Variants in PTMS observed in about 807,000 individuals in gnomAD.
PTMS encodes the protein parathymosin.
A neutral mutation model predicts 18.4 loss-of-function variants in PTMS; 5 were observed. The ratio of observed to expected loss-of-function variants is 0.27; its 90% confidence interval spans 0.14 to 0.57. The LOEUF is 0.57. Among genes scored for constraint, PTMS ranks in the 20% least tolerant of loss-of-function variants. PTMS has a pLI of 0.92. For synonymous variants in PTMS, 53 were observed against 47.7 expected (o/e 1.11, Z -0.46); for missense variants, 93 against 124.6 (o/e 0.75, Z 1.21).
chr12:6,769,510 C>T (rs1430259281), intron 1 of PTMS, 93 bp from the exon 2 acceptor site: 1 of 1,379,262 alleles, frequency 7.3e-7, no homozygotes, highest in African/African-American at 1.4e-5. Context: ...TCACACACCT[C>T]TAAGCTCACT....
At position 6,770,689 on chromosome 12, in the gene PTMS, C is replaced by A; in HGVS notation, c.*247C>A. On this transcript the variant is annotated 3_prime_UTR_variant, in exon 5 of 5. Coordinates refer to ENST00000309083, the MANE Select transcript of PTMS (RefSeq NM_002824.6). The surrounding 1 kb of genome is among the most constrained non-coding windows in gnomAD (Gnocchi z 7.3). ...GCTCTCCAGCTGGCCCCCAATTGCT[C>A]CTCTCTCTCTTTGCTCTCTTTCTCC... 1.7e-6 allele frequency: 1 copy of A among 585,256 alleles called. No homozygotes were observed. The highest frequency in any genetic ancestry group is 3.1e-6 in the Non-Finnish European group (1 of 326,902). The allele number at this position is 585,256 out of a possible 1,614,324, so 36.3% of individuals were successfully genotyped here.
rs770854499 is a variant in PTMS, at chr12:6,770,194, G to A, written c.234G>A (p.Ala78=). The A allele has an allele frequency of 2.5e-6, 4 of 1,614,160 alleles. No homozygotes were observed. Among genetic ancestry groups the A allele is most frequent in the Non-Finnish European group, 3.4e-6 (4 of 1,180,024 alleles). The change falls in exon 4 of 5, where the codon GCG becomes GCA. Residue 78 remains alanine, a synonymous_variant. Transcript: ENST00000309083. This position sits in a 1 kb window ranked among gnomAD's most constrained non-coding sequence, Gnocchi z 7.3. The part of the protein sequence containing the change: ...EEEEEDDEGP[A]LKRAAEEEDE... ...AAGAAGAGGATGATGAAGGGCCCGC[G>A]CTGAAGAGAGCTGCCGAAGAGGAGG...
chr12:6,770,073 G>T lies in PTMS; in HGVS notation c.196+74G>T, dbSNP rs1941817518. ...AGAGCAGAGTCAGGGTGGGTTTGAA[G>T]ACCTGAAGCAGGGCTGAGGGCGACC... On this transcript the variant is annotated intron_variant, in intron 3 of 4. Coordinates refer to ENST00000309083, the MANE Select transcript of PTMS (RefSeq NM_002824.6). This position sits in a 1 kb window ranked among gnomAD's most constrained non-coding sequence, Gnocchi z 7.3. 2 of 1,601,390 alleles carry T rather than the reference G, an allele frequency of 1.2e-6. No individual in the cohort carries two copies. Among genetic ancestry groups the T allele is most frequent in the Non-Finnish European group, 1.7e-6 (2 of 1,174,334 alleles).
Position 6,769,951 on chromosome 12 carries a change from GA to G in PTMS, c.150del (p.Glu51LysfsTer29). On this transcript the variant is annotated frameshift_variant, in exon 3 of 5. Coordinates refer to ENST00000309083, the MANE Select transcript of PTMS (RefSeq NM_002824.6). LOFTEE classifies it high-confidence loss of function. ...EEENGAEEEEEETAEDGEEED... is the reference protein window; with the variant it reads ...EEENGAEEEEXETAEDGEEED... ...GGAGAACGGGGCTGAGGAGGAAGAA[GA>G]AGAAACTGCCGAGGATGGAGAGGAG... 1 of 1,554,818 alleles carries G rather than the reference GA, an allele frequency of 6.4e-7. No homozygotes were observed. Among genetic ancestry groups the G allele is most frequent in the Non-Finnish European group, 8.7e-7 (1 of 1,148,454 alleles).
In PTMS at chr12:6,766,561, G is replaced by A. The variant is rs527413118; in HGVS notation, c.-145G>A. ...GCCGCCTCTTCCAGAGACCCAGCTT[G>A]CCGAGCGGCCGCCGCTGCCGCTGTC... is the stretch of plus-strand genomic sequence containing the variant. On this transcript the variant is annotated 5_prime_UTR_variant, in exon 1 of 5. Transcript: ENST00000309083. The A allele has an allele frequency of 5.9e-4, 182 of 305,986 alleles. No individual in the cohort carries two copies. The highest frequency in any genetic ancestry group is 1.0e-3 in the Non-Finnish European group (172 of 172,310). The allele number at this position is 305,986 out of a possible 1,614,324, so 19.0% of individuals were successfully genotyped here. A position where few individuals can be genotyped will look rare whatever the true frequency, so the allele number is the denominator to read the frequency against.
chr12:6,769,778 T>C, intron 2 of PTMS, 104 bp downstream of exon 2: 1 of 1,597,598 alleles, frequency 6.3e-7, no homozygotes, highest in Non-Finnish European at 8.6e-7. Context: ...GTCCTGCCGT[T>C]CCCCTGAGCC....
intron 1 of PTMS, chr12:6,767,598 C>CGGGGGGGGG (rs56074647): frequency 5.4e-4 from 6 of 11,018 alleles, no homozygotes; most frequent in Admixed American, 1.6e-3. Context: ...ATGTGTATGG[C>CGGGGGGGGG]GGGGGGGGGG....
rs906987577 is a variant in PTMS at position 6,770,100 on chromosome 12, C to T, written c.197-57C>T. The T allele has an allele frequency of 3.5e-5, 56 of 1,612,102 alleles. No homozygotes were observed. Among genetic ancestry groups the T allele is most frequent in the Middle Eastern group, 1.7e-4 (1 of 6,058 alleles). ...CCTGAAGCAGGGCTGAGGGCGACCA[C>T]GGGGGCTCTGCCAGAGCTTCCTGCC... On this transcript the variant is annotated intron_variant, in intron 3 of 4. Transcript: ENST00000309083. The surrounding 1 kb of genome is among the most constrained non-coding windows in gnomAD (Gnocchi z 7.3).
rs4764622 is a variant in PTMS, at chr12:6,770,036, T to C, written c.196+37T>C. 668,782 of 1,569,524 alleles carry C rather than the reference T, an allele frequency of 0.43. 149,114 individuals carry two copies. The highest frequency in any genetic ancestry group is 0.78 in the African/African-American group (57,538 of 73,524). ...CAGGGGAGGCTGGGCTGGCAAAGTC[T>C]GGGCTCAAAGGAGAGCAGAGTCAGG... On this transcript the variant is annotated intron_variant, in intron 3 of 4. Coordinates refer to ENST00000309083, the MANE Select transcript of PTMS (RefSeq NM_002824.6). This position sits in a 1 kb window ranked among gnomAD's most constrained non-coding sequence, Gnocchi z 7.3.
chr12:6,766,505 GACCCA>G lies in PTMS; in HGVS notation c.-200_-196del. 3.8e-6 allele frequency: 1 copy of G among 266,496 alleles called. No individual in the cohort carries two copies. The highest frequency in any genetic ancestry group is 7.5e-6 in the Non-Finnish European group (1 of 132,856). 16.5% of individuals were successfully genotyped at this position (266,496 alleles called of 1,614,324 possible). A position where few individuals can be genotyped will look rare whatever the true frequency, so the allele number is the denominator to read the frequency against. On this transcript the variant is annotated 5_prime_UTR_variant, in exon 1 of 5. Transcript: ENST00000309083. ...CGCAGCCCTGCGGGTCTCCGCTCCA[GACCCA>G]CCCCCGCCCCACCCCGCGCGCCTCT...
chr12:6,767,450 T>A (rs1165625946), intron 1 of PTMS: 1 of 152,140 alleles, frequency 6.6e-6, no homozygotes, highest in Non-Finnish European at 1.5e-5. Flanking sequence ...CCTCATCAGC[T>A]CCCTTCCCCG....
At chr12:6,769,453 C>T in intron 1 of PTMS, 150 bp from the exon 2 acceptor site, 1 of 849,034 alleles carries the variant, frequency 1.2e-6, no homozygotes, top group Non-Finnish European at 2.0e-6. Flanking sequence ...AATGTAAGGA[C>T]CCTAGGGCCC....
In PTMS at chr12:6,766,475, A is replaced by AGGG; in HGVS notation, c.-231_-230insGGG. 1 of 245,560 alleles carries AGGG rather than the reference A, an allele frequency of 4.1e-6. No homozygotes were observed. Among genetic ancestry groups the AGGG allele is most frequent in the Non-Finnish European group, 8.1e-6 (1 of 123,232 alleles). The allele number at this position is 245,560 out of a possible 1,614,324, so 15.2% of individuals were successfully genotyped here. On this transcript the variant is annotated 5_prime_UTR_variant, in exon 1 of 5. Transcript: ENST00000309083. The stretch of plus-strand genomic sequence containing the variant: ...CACCGCCCTTCCGCCCGCCCTCCGG[A>AGGG]CGGCCGCAGCCCTGCGGGTCTCCGC...
Position 6,769,679 on chromosome 12 carries a change from G to A in PTMS, c.117+5G>A. On this transcript the variant is annotated splice_donor_5th_base_variant and intron_variant, in intron 2 of 4. Coordinates refer to ENST00000309083, the MANE Select transcript of PTMS (RefSeq NM_002824.6). ...CGAAAGAAAGAAGTGGTGGAGGTGT[G>A]GAGGGGTGGGGGAGAGGACCACATC... is the stretch of plus-strand genomic sequence containing the variant. 1.9e-6 allele frequency: 3 copies of A among 1,613,932 alleles called. No homozygotes were observed. Among genetic ancestry groups the A allele is most frequent in the Non-Finnish European group, 2.5e-6 (3 of 1,179,948 alleles).
chr12:6,770,717 C>T lies in PTMS; in HGVS notation c.*275C>T. 1.8e-6 allele frequency: 1 copy of T among 545,522 alleles called. No individual in the cohort carries two copies. The highest frequency in any genetic ancestry group is 3.3e-6 in the Non-Finnish European group (1 of 301,952). The allele number at this position is 545,522 out of a possible 1,614,324, so 33.8% of individuals were successfully genotyped here. A position where few individuals can be genotyped will look rare whatever the true frequency, so the allele number is the denominator to read the frequency against. ...CTCTCTCTTTGCTCTCTTTCTCCCT[C>T]CCCTACCAGCCTCATTCTTCCTCCG... On this transcript the variant is annotated 3_prime_UTR_variant, in exon 5 of 5. Transcript: ENST00000309083. This position sits in a 1 kb window ranked among gnomAD's most constrained non-coding sequence, Gnocchi z 7.3.
At position 6,770,855 on chromosome 12, in the gene PTMS, C is replaced by T. The variant is rs943974924; in HGVS notation, c.*413C>T. 1.7e-5 allele frequency: 3 copies of T among 181,616 alleles called. No homozygotes were observed. Among genetic ancestry groups the T allele is most frequent in the Non-Finnish European group, 3.5e-5 (3 of 85,588 alleles). 11.3% of individuals were successfully genotyped at this position (181,616 alleles called of 1,614,324 possible). A position where few individuals can be genotyped will look rare whatever the true frequency, so the allele number is the denominator to read the frequency against. On this transcript the variant is annotated 3_prime_UTR_variant, in exon 5 of 5. Coordinates refer to ENST00000309083, the MANE Select transcript of PTMS (RefSeq NM_002824.6). The surrounding 1 kb of genome is among the most constrained non-coding windows in gnomAD (Gnocchi z 7.3). ...CCCCTCTTCTCAGACAGCGCCAGGC[C>T]GGGGTGGGGCCGGGGTTGGGGCCGA...
intron 1 of PTMS, chr12:6,767,264 C>G (rs1941779148): frequency 6.6e-6 from 1 of 152,206 alleles, no homozygotes. Flanking sequence ...GCGGCCGCCT[C>G]TGTTTTCTCG....
At chr12:6,769,505 C>A (rs1463578171) in intron 1 of PTMS, 98 bp from the exon 2 acceptor site, 1 of 1,319,648 alleles carries the variant, frequency 7.6e-7, no homozygotes, top group Non-Finnish European at 1.1e-6. Context: ...TCAGTTCACA[C>A]ACCTCTAAGC....
At position 6,766,654 on chromosome 12, in the gene PTMS, C is replaced by G; in HGVS notation, c.-52C>G. 9.3e-7 allele frequency: 1 copy of G among 1,078,764 alleles called. No homozygotes were observed. Among genetic ancestry groups the G allele is most frequent in the Non-Finnish European group, 1.1e-6 (1 of 880,118 alleles). 66.8% of individuals were successfully genotyped at this position (1,078,764 alleles called of 1,614,324 possible). A position where few individuals can be genotyped will look rare whatever the true frequency, so the allele number is the denominator to read the frequency against. ...CCTCCGCCGTCCAGGGCCCCTCCGTCTCGGCCCCGGGACCCCGGCTCCCCG... is the reference window on the plus strand; with the variant it reads ...CCTCCGCCGTCCAGGGCCCCTCCGTGTCGGCCCCGGGACCCCGGCTCCCCG... On this transcript the variant is annotated 5_prime_UTR_variant, in exon 1 of 5. Coordinates refer to ENST00000309083, the MANE Select transcript of PTMS (RefSeq NM_002824.6).
Sources: gnomAD v4.1 joint callset for allele counts on GRCh38, gnomAD v4.1.1 for gene constraint, Gnocchi (gnomAD v3.1) non-coding constraint, MANE v1.5 for transcripts, NCBI Gene and HGNC (gene_info 2026-07-23, HGNC 2026-07-21) for gene names.